SHB: variants seen among roughly 807,000 people sequenced by gnomAD.
SHB encodes the protein SH2 domain-containing adapter protein B.
SHB carries 20 observed loss-of-function variants against 52.3 expected under a neutral mutation model. The ratio of observed to expected loss-of-function variants is 0.38; its 90% CI spans 0.27 to 0.56. The LOEUF is 0.56. Among genes scored for constraint, SHB ranks in the 20% least tolerant of loss-of-function variants. SHB has a pLI of 0.71. For missense variants in SHB, 825 were observed against 723.3 expected, an observed-to-expected ratio of 1.14 and a Z score of -1.61; for synonymous variants, 397 against 316.5, an observed-to-expected ratio of 1.25 and a Z score of -2.70.
intron 1 of SHB, among the ~76,000 whole-genome samples, chr9:38,031,358 T>C (rs1365606866): frequency 6.6e-6 from 1 of 152,030 alleles, no homozygotes; most frequent in African/African-American, 2.4e-5. Flanking sequence ...CGAAAAAAGA[T>C]AAAGACAATA....
Position 38,011,339 on chromosome 9 carries a change from G to A in SHB, c.838+4672C>T, listed in dbSNP as rs564201065. 2.0e-5 allele frequency among the ~76,000 whole-genome samples: 3 copies of A among 152,318 alleles called. No individual in the cohort carries two copies. The East Asian group carries it at 5.8e-4, about 29-fold the overall frequency. On this transcript the variant is annotated intron_variant, in intron 2 of 5. Coordinates refer to ENST00000377707, the MANE Select transcript of SHB (RefSeq NM_003028.3). The stretch of plus-strand genomic sequence containing the variant: ...TTGTACACAAGGAAACTGAGGCCCA[G>A]ATGGGCAGCAGGGCATAGAAAAGGC...
At chr9:37,974,217 C>T (rs1039188133) in intron 3 of SHB, among the ~76,000 whole-genome samples, 1 of 152,156 alleles carries the variant, frequency 6.6e-6, no homozygotes, top group Admixed American at 6.5e-5. Flanking sequence ...GATCGCATCA[C>T]TGCACTCCAG....
intron 5 of SHB, among the ~76,000 whole-genome samples, chr9:37,923,203 T>C (rs536637417): frequency 8.4e-4 from 128 of 152,250 alleles, no homozygotes; most frequent in Admixed American, 2.0e-3. Context: ...ACCCTCAGTG[T>C]TCCATGTGAA....
At chr9:37,956,871 A>T (rs1259145684) in intron 3 of SHB, among the ~76,000 whole-genome samples, 2 of 152,242 alleles carry the variant, frequency 1.3e-5, no homozygotes, top group East Asian at 1.9e-4. Flanking sequence ...ATTAAAGCAG[A>T]TGACACACCT....
chr9:37,946,427 A>C (rs1832492618), intron 5 of SHB, among the ~76,000 whole-genome samples: 1 of 152,220 alleles, frequency 6.6e-6, no homozygotes, highest in Admixed American at 6.5e-5. Flanking sequence ...TGTATTCTGC[A>C]GGAGACAGCT....
At chr9:38,058,417 C>A (rs1041378309) in intron 1 of SHB, among the ~76,000 whole-genome samples, 12 of 152,236 alleles carry the variant, frequency 7.9e-5, no homozygotes, top group African/African-American at 2.9e-4. Flanking sequence ...GCTCTTCTCC[C>A]TCATCTCTGC....
chr9:37,976,567 T>G (rs983748417), intron 2 of SHB, among the ~76,000 whole-genome samples: 2 of 152,226 alleles, frequency 1.3e-5, no homozygotes, highest in Admixed American at 6.5e-5. Context: ...CTGAACAATG[T>G]GGAATCATTC....
chr9:37,982,318 C>T (rs891903124), intron 2 of SHB, among the ~76,000 whole-genome samples: 1 of 151,898 alleles, frequency 6.6e-6, no homozygotes, highest in African/African-American at 2.4e-5. Context: ...CATGGTAAAA[C>T]CCCGTCTCTA....
intron 5 of SHB, among the ~76,000 whole-genome samples, chr9:37,924,549 G>T (rs947659652): frequency 6.6e-6 from 1 of 152,188 alleles, no homozygotes; most frequent in Non-Finnish European, 1.5e-5. Flanking sequence ...CAGACACAGA[G>T]GGGATTTCTG....
At chr9:37,932,933 A>C (rs1004857225) in intron 5 of SHB, among the ~76,000 whole-genome samples, 1 of 152,366 alleles carries the variant, frequency 6.6e-6, no homozygotes, top group Admixed American at 6.5e-5. Flanking sequence ...CCTTCTTACT[A>C]TCTGTATGTA....
At position 38,068,546 on chromosome 9, in the gene SHB, C is replaced by G; in HGVS notation, c.100G>C (p.Gly34Arg). ...RPDYREQRRR[G>R]ERPSQPPQAV... ...TGGGGGGGCTGCGAAGGCCGCTCGCCTCGGCGCCGCTGCTCGCGGTAGTCT... is the reference window on the plus strand; with the variant it reads ...TGGGGGGGCTGCGAAGGCCGCTCGCGTCGGCGCCGCTGCTCGCGGTAGTCT... Residue 34 changes from glycine to arginine, a missense_variant, in exon 1 of 6, where the codon GGC becomes CGC. Transcript: ENST00000377707. 1 of 1,454,698 alleles carries G rather than the reference C, an allele frequency of 6.9e-7. No individual in the cohort carries two copies. 90.1% of individuals were successfully genotyped at this position (1,454,698 alleles called of 1,614,324 possible).
At chr9:38,018,320 C>CAAA (rs753501453) in intron 1 of SHB, among the ~76,000 whole-genome samples, 4 of 152,128 alleles carry the variant, frequency 2.6e-5, no homozygotes, top group Non-Finnish European at 4.4e-5. Context: ...TGTGATTCAG[C>CAAA]AAGTGCTACC....
At position 37,923,229 on chromosome 9, in the gene SHB, C is replaced by T. The variant is rs114161960; in HGVS notation, c.1347-3225G>A. ...TCCATGTGAAGCCAGGCAGAGGGGG[C>T]GGATGAGAGGCGTCAGACTCTGAGC... is the stretch of plus-strand genomic sequence containing the variant. On this transcript the variant is annotated intron_variant, in intron 5 of 5. Transcript: ENST00000377707. Among the ~76,000 whole-genome samples, 901 of 152,332 alleles carry T rather than the reference C, an allele frequency of 5.9e-3. 7 individuals are homozygous for T. Among genetic ancestry groups the T allele is most frequent in the African/African-American group, 0.021 (858 of 41,576 alleles).
intron 1 of SHB, among the ~76,000 whole-genome samples, chr9:38,057,089 G>A (rs1462358582): frequency 2.0e-5 from 3 of 152,164 alleles, no homozygotes; most frequent in Non-Finnish European, 4.4e-5. Context: ...CAACCCCAAG[G>A]AAATAATCAC....
chr9:37,985,570 G>A (rs1270343503), intron 2 of SHB, among the ~76,000 whole-genome samples: 2 of 152,244 alleles, frequency 1.3e-5, no homozygotes, highest in Admixed American at 1.3e-4. Flanking sequence ...CTGCTCTGGG[G>A]GCCAAAAGCA....
chr9:38,043,476 G>A (rs1048877496), intron 1 of SHB, among the ~76,000 whole-genome samples: 3 of 152,180 alleles, frequency 2.0e-5, no homozygotes, highest in African/African-American at 4.8e-5. Flanking sequence ...TGGAAGCACC[G>A]CTGTGAAGGC....
intron 3 of SHB, among the ~76,000 whole-genome samples, chr9:37,968,270 T>C (rs7855652): frequency 0.039 from 6,007 of 152,288 alleles, 248 homozygotes; most frequent in African/African-American, 0.1. Context: ...GTGTGAGAAG[T>C]TGTGACCATC....
intron 1 of SHB, among the ~76,000 whole-genome samples, chr9:38,067,227 C>T (rs903802388): frequency 1.3e-5 from 2 of 152,150 alleles, no homozygotes; most frequent in Non-Finnish European, 2.9e-5. Flanking sequence ...GGGGTGGGGT[C>T]TCCTTCCAGC....
intron 2 of SHB, among the ~76,000 whole-genome samples, chr9:37,990,577 C>G (rs1820869927): frequency 6.6e-6 from 1 of 152,222 alleles, no homozygotes; most frequent in Admixed American, 6.5e-5. Context: ...GAACTGTACT[C>G]ATAGACTGTT....
Sources: gnomAD v4.1 joint callset for allele counts (sites outside exome capture counted in the v4.1 genomes callset) on GRCh38, gnomAD v4.1.1 for gene constraint, MANE v1.5 for transcripts, NCBI Gene and HGNC (gene_info 2026-07-23, HGNC 2026-07-21) for gene names.